Variants in ADCY2 observed in about 807,000 individuals in gnomAD.
The protein encoded by ADCY2 is adenylate cyclase type 2.
A neutral mutation model predicts 125.2 loss-of-function variants in ADCY2; 31 were observed. The observed-to-expected ratio is 0.25, with a 90% CI of 0.19 to 0.33. The LOEUF (loss-of-function observed/expected upper bound fraction) is 0.33, where lower values mean the gene tolerates loss of function less well. ADCY2 is among the 10% of genes least tolerant of loss of function. ADCY2 has a pLI of 1.00. For synonymous variants in ADCY2, 512 were observed against 548.4 expected (o/e 0.93, Z 0.93); for missense variants, 904 against 1,418.2 (o/e 0.64, Z 5.82).
At chr5:7,697,259 C>G (rs1740924212) in intron 6 of ADCY2, among the ~76,000 whole-genome samples, 1 of 152,214 alleles carries the variant, frequency 6.6e-6, no homozygotes, top group African/African-American at 2.4e-5. Context: ...TTACCCATAA[C>G]AGAAGTACTC....
chr5:7,714,562 G>A (rs1264615344), intron 11 of ADCY2, among the ~76,000 whole-genome samples: 1 of 152,258 alleles, frequency 6.6e-6, no homozygotes, highest in Non-Finnish European at 1.5e-5. Context: ...AAAGGGATAG[G>A]AGAATGCCAG....
chr5:7,802,811 T>A lies in ADCY2; in HGVS notation c.2775+447T>A, dbSNP rs919656819. Among the ~76,000 whole-genome samples the A allele has an allele frequency of 6.6e-6, 1 of 152,196 alleles. No individual in the cohort carries two copies. Among genetic ancestry groups the A allele is most frequent in the Non-Finnish European group, 1.5e-5 (1 of 68,026 alleles). ...AATTATAATCTGTATGGGGGGATAA[T>A]ACAACATACTTTAGGAGGGACAGAG... On this transcript the variant is annotated intron_variant, in intron 21 of 24. Transcript: ENST00000338316. This position sits in a 1 kb window ranked among gnomAD's most constrained non-coding sequence, Gnocchi z 4.6.
intron 2 of ADCY2, among the ~76,000 whole-genome samples, chr5:7,496,642 T>C (rs1743356138): frequency 1.3e-5 from 2 of 152,168 alleles, no homozygotes; most frequent in African/African-American, 4.8e-5. Flanking sequence ...TTTACAATAG[T>C]TGACAGAGAG....
chr5:7,567,977 G>C (rs903460298), intron 3 of ADCY2, among the ~76,000 whole-genome samples: 2 of 150,780 alleles, frequency 1.3e-5, no homozygotes, highest in African/African-American at 4.9e-5. Context: ...GATGTCTTCT[G>C]TCTTTAACTG....
At chr5:7,451,955 A>T (rs1344188615) in intron 2 of ADCY2, among the ~76,000 whole-genome samples, 2 of 152,094 alleles carry the variant, frequency 1.3e-5, no homozygotes, top group Non-Finnish European at 2.9e-5. Flanking sequence ...TCTATTGCCC[A>T]GTCTGGAGTG....
intron 17 of ADCY2, among the ~76,000 whole-genome samples, chr5:7,772,159 C>G (rs1743575946): frequency 6.6e-6 from 1 of 152,170 alleles, no homozygotes; most frequent in Non-Finnish European, 1.5e-5. Context: ...AGGTCACTGG[C>G]TGAAAGTAAG....
chr5:7,536,415 A>G (rs566971394), intron 3 of ADCY2, among the ~76,000 whole-genome samples: 1 of 152,300 alleles, frequency 6.6e-6, no homozygotes, highest in South Asian at 2.1e-4. Flanking sequence ...TCACCTGTGC[A>G]GGTGGAGTGC....
chr5:7,774,764 G>A (rs1483727989), intron 18 of ADCY2, among the ~76,000 whole-genome samples: 1 of 152,192 alleles, frequency 6.6e-6, no homozygotes, highest in African/African-American at 2.4e-5. Flanking sequence ...GACTTGAGAA[G>A]CCTCGGCGAC....
chr5:7,622,292 T>C (rs977687540), intron 3 of ADCY2, among the ~76,000 whole-genome samples: 6 of 152,194 alleles, frequency 3.9e-5, no homozygotes, highest in Non-Finnish European at 8.8e-5. Context: ...ATTTAGGACA[T>C]CAATTGTATT....
chr5:7,442,436 T>C (rs527369389), intron 2 of ADCY2, among the ~76,000 whole-genome samples: 2 of 152,236 alleles, frequency 1.3e-5, no homozygotes, highest in Non-Finnish European at 2.9e-5. Context: ...TTAGATTTGG[T>C]TTAACTTTTA....
At chr5:7,449,606 G>T (rs994819842) in intron 2 of ADCY2, among the ~76,000 whole-genome samples, 13 of 152,172 alleles carry the variant, frequency 8.5e-5, no homozygotes, top group African/African-American at 3.1e-4. Context: ...AATACATAAT[G>T]ACTCACTATA....
chr5:7,401,996 G>T (rs562163856), intron 1 of ADCY2, among the ~76,000 whole-genome samples: 26 of 152,336 alleles, frequency 1.7e-4, no homozygotes, highest in Middle Eastern at 6.8e-3. Flanking sequence ...GAGCACCTGG[G>T]TTGGGGGTGC....
At chr5:7,594,306 A>G (rs1736937656) in intron 3 of ADCY2, among the ~76,000 whole-genome samples, 1 of 152,180 alleles carries the variant, frequency 6.6e-6, no homozygotes, top group South Asian at 2.1e-4. Context: ...ACACATTGAA[A>G]TATCTAAATA....
chr5:7,545,123 G>A (rs1735109103), intron 3 of ADCY2, among the ~76,000 whole-genome samples: 1 of 152,130 alleles, frequency 6.6e-6, no homozygotes, highest in Non-Finnish European at 1.5e-5. Flanking sequence ...GCCTATTCTG[G>A]TCATAAGAAG....
intron 3 of ADCY2, among the ~76,000 whole-genome samples, chr5:7,607,784 G>A (rs941221808): frequency 6.6e-6 from 1 of 152,182 alleles, no homozygotes; most frequent in Non-Finnish European, 1.5e-5. Context: ...TGCAGAATTG[G>A]CTGTAACTTG....
At chr5:7,788,607 C>T (rs1744156473) in intron 19 of ADCY2, among the ~76,000 whole-genome samples, 1 of 152,174 alleles carries the variant, frequency 6.6e-6, no homozygotes, top group African/African-American at 2.4e-5. Flanking sequence ...TTGAATCAAA[C>T]ATAACTAATG....
intron 7 of ADCY2, among the ~76,000 whole-genome samples, chr5:7,702,502 G>T (rs1741120587): frequency 6.6e-6 from 1 of 151,990 alleles, no homozygotes; most frequent in Non-Finnish European, 1.5e-5. Context: ...CCTTGCGATA[G>T]TTTGCTGAGA....
In ADCY2 at chr5:7,804,053, A is replaced by AGAGAGAGAG. The variant is rs1324761197; in HGVS notation, c.2776-531_2776-523dup. Among the ~76,000 whole-genome samples the AGAGAGAGAG allele has an allele frequency of 1.4e-5, 2 of 139,910 alleles. 1 individual carries two copies. The highest frequency in any genetic ancestry group is 3.0e-5 in the Non-Finnish European group (2 of 65,884). 91.8% of individuals were successfully genotyped at this position (139,910 alleles called of 152,430 possible). On this transcript the variant is annotated intron_variant, in intron 21 of 24. Coordinates refer to ENST00000338316, the MANE Select transcript of ADCY2 (RefSeq NM_020546.3). ...ATGGAGGGGGGAAAGAGAGAGAGAGAGAGAGAGAGAGAGAGAGAGAGCTGG... is the reference window on the plus strand; with the variant it reads ...ATGGAGGGGGGAAAGAGAGAGAGAGAGAGAGAGAGGAGAGAGAGAGAGAGAGAGAGCTGG...
At chr5:7,559,773 C>T (rs1203488175) in intron 3 of ADCY2, among the ~76,000 whole-genome samples, 1 of 152,160 alleles carries the variant, frequency 6.6e-6, no homozygotes, top group African/African-American at 2.4e-5. Flanking sequence ...GGGAATGCTT[C>T]TGGCTTTCTC....
Sources: gnomAD v4.1 joint callset for allele counts (sites outside exome capture counted in the v4.1 genomes callset) on GRCh38, gnomAD v4.1.1 for gene constraint, Gnocchi (gnomAD v3.1) non-coding constraint, MANE v1.5 for transcripts, NCBI Gene and HGNC (gene_info 2026-07-23, HGNC 2026-07-21) for gene names.